The following AFF3 variants were observed in gnomAD, a reference collection of about 807,000 sequenced individuals.
AFF3 encodes the protein ALF transcription elongation factor 3, also known as AF4/FMR2 family member 3.
In AFF3, 32 loss-of-function variants were observed where a neutral mutation model predicts 129.7. The ratio of observed to expected loss-of-function variants is 0.25; its 90% CI spans 0.19 to 0.33. The LOEUF is 0.33. AFF3 is among the 10% of genes least tolerant of loss of function. The pLI, the probability that AFF3 is intolerant of heterozygous loss-of-function variation, is 1.00. For synonymous variants in AFF3, 644 were observed against 635.4 expected (o/e 1.01, Z -0.20); for missense variants, 1,373 against 1,592.0 (o/e 0.86, Z 2.34).
chr2:100,138,479 T>C (rs1692719198), intron 1 of AFF3, among the ~76,000 whole-genome samples: 1 of 152,222 alleles, frequency 6.6e-6, no homozygotes, highest in South Asian at 2.1e-4. Context: ...TCTGCTAGAT[T>C]GACATTTTGT....
chr2:99,870,870 T>C (rs1691822036), intron 7 of AFF3, among the ~76,000 whole-genome samples: 1 of 152,244 alleles, frequency 6.6e-6, no homozygotes, highest in Admixed American at 6.5e-5. Flanking sequence ...ATGTGGACTC[T>C]GGAACTGGGC....
intron 8 of AFF3, among the ~76,000 whole-genome samples, chr2:99,803,484 A>G (rs1342632107): frequency 6.6e-6 from 1 of 152,216 alleles, no homozygotes; most frequent in Admixed American, 6.5e-5. Flanking sequence ...GGAAGAATCA[A>G]CATCATAAAA....
chr2:99,875,304 TC>T (rs1692201775), intron 7 of AFF3, among the ~76,000 whole-genome samples: 1 of 152,144 alleles, frequency 6.6e-6, no homozygotes, highest in Non-Finnish European at 1.5e-5. Flanking sequence ...GCTCTCCTCC[TC>T]CAGGGCTGCC....
At position 99,601,633 on chromosome 2, in the gene AFF3, C is replaced by A; in HGVS notation, c.1185-12G>T. 3.2e-6 allele frequency: 5 copies of A among 1,585,128 alleles called. No homozygotes were observed. Among genetic ancestry groups the A allele is most frequent in the Non-Finnish European group, 4.3e-6 (5 of 1,171,618 alleles). On this transcript the variant is annotated splice_polypyrimidine_tract_variant and intron_variant, in intron 13 of 24. Coordinates refer to ENST00000672756, the MANE Select transcript of AFF3 (RefSeq NM_001386135.1). ...GCTGGACCACGGCGCTGCCAGCCCG[C>A]GAGGCCCCCGGGAAGCAGAGGGAAG... is the stretch of plus-strand genomic sequence containing the variant.
rs772539807 is a variant in AFF3 at position 100,006,917 on chromosome 2, C to T, written c.588G>A (p.Gln196=). The change falls in exon 7 of 25, where the codon CAG becomes CAA. Residue 196 remains glutamine (Q), a synonymous_variant. Transcript: ENST00000672756. ...TGGCCGCCATGGCAGGTGGCCTCTC[C>T]TGGGTCTGAAGGCCCACCTCCACAT... The part of the protein sequence containing the change: ...VCNVEVGLQT[Q]ERPPAMAAKH... The T allele has an allele frequency of 4.3e-6, 7 of 1,614,198 alleles. No individual in the cohort carries two copies. In the Admixed American group the frequency reaches 1.2e-4, roughly 27 times the overall value.
At chr2:100,073,964 T>C (rs955633675) in intron 4 of AFF3, among the ~76,000 whole-genome samples, 3 of 152,204 alleles carry the variant, frequency 2.0e-5, no homozygotes, top group Admixed American at 2.0e-4. Flanking sequence ...ATCTGTATAA[T>C]AGGGTACTAT....
At chr2:99,880,659 C>T (rs750214594) in intron 7 of AFF3, among the ~76,000 whole-genome samples, 7 of 152,170 alleles carry the variant, frequency 4.6e-5, no homozygotes, top group Non-Finnish European at 7.3e-5. Flanking sequence ...GGAAAAAAAT[C>T]TAGCCCACTG....
intron 11 of AFF3, among the ~76,000 whole-genome samples, chr2:99,705,415 A>G (rs1475989720): frequency 1.3e-5 from 2 of 152,142 alleles, no homozygotes; most frequent in Non-Finnish European, 2.9e-5. Context: ...AATGAGGTCA[A>G]CGGCACCAGA....
intron 4 of AFF3, among the ~76,000 whole-genome samples, chr2:100,034,633 C>A (rs1428301216): frequency 6.6e-6 from 1 of 151,488 alleles, no homozygotes; most frequent in Admixed American, 6.6e-5. Flanking sequence ...CTCTTTACAA[C>A]AAGGATTTTG....
chr2:99,676,622 G>A (rs550309827), intron 11 of AFF3, among the ~76,000 whole-genome samples: 2 of 152,318 alleles, frequency 1.3e-5, no homozygotes, highest in Admixed American at 6.5e-5. Flanking sequence ...GGAGGGAAGT[G>A]GGCCTCAGAG....
intron 18 of AFF3, among the ~76,000 whole-genome samples, chr2:99,574,212 G>T (rs1026780105): frequency 6.6e-6 from 1 of 152,194 alleles, no homozygotes; most frequent in Non-Finnish European, 1.5e-5. Flanking sequence ...AACCACACTA[G>T]TGTCACCTTA....
chr2:99,588,239 C>T (rs183624001), intron 15 of AFF3, among the ~76,000 whole-genome samples: 33 of 152,102 alleles, frequency 2.2e-4, no homozygotes, highest in African/African-American at 7.7e-4. Flanking sequence ...TGCAGTGGTG[C>T]GATCATGGCT....
intron 10 of AFF3, among the ~76,000 whole-genome samples, chr2:99,737,819 A>G (rs1238497892): frequency 6.6e-6 from 1 of 151,876 alleles, no homozygotes; most frequent in Non-Finnish European, 1.5e-5. Context: ...CATGTCTCTT[A>G]ACTAATTTCC....
intron 11 of AFF3, among the ~76,000 whole-genome samples, chr2:99,720,611 T>C (rs896521912): frequency 6.6e-6 from 1 of 152,220 alleles, no homozygotes; most frequent in African/African-American, 2.4e-5. Flanking sequence ...AAATGGACTA[T>C]GACAGTCCAT....
At chr2:99,684,462 C>A (rs13025864) in intron 11 of AFF3, among the ~76,000 whole-genome samples, 25,455 of 152,116 alleles carry the variant, frequency 0.17, 2,670 homozygotes, top group South Asian at 0.27. Flanking sequence ...ATCCACTAAT[C>A]CTCTCTGCCA....
chr2:99,867,739 G>C (rs1488088398), intron 7 of AFF3, among the ~76,000 whole-genome samples: 5 of 152,194 alleles, frequency 3.3e-5, no homozygotes, highest in African/African-American at 9.7e-5. Context: ...GCAGAGTGGA[G>C]TGGAGGGGCT....
intron 11 of AFF3, among the ~76,000 whole-genome samples, chr2:99,694,939 G>A (rs956242825): frequency 6.6e-6 from 1 of 152,046 alleles, no homozygotes; most frequent in Non-Finnish European, 1.5e-5. Context: ...TCCTGACCTC[G>A]TGATCCACCC....
chr2:99,806,395 G>A lies in AFF3; in HGVS notation c.921+31082C>T, dbSNP rs573961363. 4.6e-5 allele frequency among the ~76,000 whole-genome samples: 7 copies of A among 152,310 alleles called. No homozygotes were observed. The East Asian group carries it at 1.2e-3, about 25-fold the overall frequency. The stretch of plus-strand genomic sequence containing the variant: ...CATGTTCCAGGAAAAGGGCAGACAC[G>A]TAAACAAGCCTAACACTGCAAATGC... On this transcript the variant is annotated intron_variant, in intron 8 of 24. Transcript: ENST00000672756.
intron 7 of AFF3, among the ~76,000 whole-genome samples, chr2:99,941,543 T>C (rs1007396307): frequency 2.0e-5 from 3 of 152,236 alleles, no homozygotes; most frequent in Non-Finnish European, 2.9e-5. Context: ...TGAATTTTGT[T>C]GGATAAGGCA....
Sources: allele counts gnomAD v4.1 joint callset (sites outside exome capture counted in the v4.1 genomes callset), GRCh38; gene constraint gnomAD v4.1.1; transcripts MANE v1.5; gene names NCBI Gene and HGNC (gene_info 2026-07-23, HGNC 2026-07-21).